The following WWOX variants were observed in gnomAD, a reference collection of about 807,000 sequenced individuals.
WWOX encodes the protein WW domain-containing oxidoreductase.
In WWOX, 69 loss-of-function variants were observed where a neutral mutation model predicts 46.2. The ratio of observed to expected loss-of-function variants is 1.49; its 90% CI spans 1.23 to 1.82. The LOEUF (loss-of-function observed/expected upper bound fraction) is 1.82, where lower values mean the gene tolerates loss of function less well. Ranked by LOEUF, WWOX falls within the 40% of genes most tolerant of loss-of-function variation. The pLI, the probability that WWOX is intolerant of heterozygous loss-of-function variation, is 0.00. For synonymous variants in WWOX, 359 were observed against 202.6 expected (o/e 1.77, Z -6.56); for missense variants, 919 against 542.6 (o/e 1.69, Z -6.89).
intron 6 of WWOX, among the ~76,000 whole-genome samples, chr16:78,402,196 G>A (rs1245000276): frequency 1.3e-5 from 2 of 152,130 alleles, no homozygotes; most frequent in Non-Finnish European, 2.9e-5. Flanking sequence ...CTACCTGTTT[G>A]CCTATTCTGG....
chr16:78,787,525 C>T (rs1489961957), intron 8 of WWOX, among the ~76,000 whole-genome samples: 2 of 152,138 alleles, frequency 1.3e-5, no homozygotes, highest in African/African-American at 4.8e-5. Context: ...GAGTGATATT[C>T]TGTTACATGG....
At chr16:78,857,516 G>A (rs139540743) in intron 8 of WWOX, among the ~76,000 whole-genome samples, 68 of 152,192 alleles carry the variant, frequency 4.5e-4, no homozygotes, top group African/African-American at 1.6e-3. Flanking sequence ...ACTTTAATGC[G>A]ATTAAGACTT....
intron 6 of WWOX, among the ~76,000 whole-genome samples, chr16:78,416,430 G>A (rs555487969): frequency 6.6e-6 from 1 of 152,286 alleles, no homozygotes; most frequent in South Asian, 2.1e-4. Context: ...TTAATTAATA[G>A]AGGTGACAAG....
intron 8 of WWOX, among the ~76,000 whole-genome samples, chr16:78,887,546 C>G (rs1051038356): frequency 1.3e-5 from 2 of 149,602 alleles, no homozygotes; most frequent in Non-Finnish European, 3.0e-5. Context: ...ACCTCAACAC[C>G]CTTCCAAAAC....
intron 8 of WWOX, among the ~76,000 whole-genome samples, chr16:78,472,809 CA>C (rs756666392): frequency 0.018 from 908 of 50,812 alleles, 2 homozygotes; most frequent in Non-Finnish European, 0.029. Flanking sequence ...AACTCCATCT[CA>C]AAAAAAAAAA....
At chr16:78,836,020 A>C (rs1180616733) in intron 8 of WWOX, among the ~76,000 whole-genome samples, 1 of 152,096 alleles carries the variant, frequency 6.6e-6, no homozygotes, top group Non-Finnish European at 1.5e-5. Flanking sequence ...ATGTATTTCA[A>C]CTCCAAAATA....
chr16:78,449,039 A>G (rs774567137), intron 8 of WWOX, among the ~76,000 whole-genome samples: 26 of 152,064 alleles, frequency 1.7e-4, no homozygotes, highest in Non-Finnish European at 5.9e-5. Flanking sequence ...GTAGAAATTC[A>G]CCTATGTCAA....
chr16:79,018,017 T>G (rs1017684602), intron 8 of WWOX, among the ~76,000 whole-genome samples: 2 of 152,240 alleles, frequency 1.3e-5, no homozygotes, highest in Non-Finnish European at 2.9e-5. Flanking sequence ...GCTAAAGATT[T>G]GGCTTGGAGT....
intron 8 of WWOX, among the ~76,000 whole-genome samples, chr16:78,583,409 C>G (rs1047016335): frequency 4.6e-5 from 7 of 152,156 alleles, no homozygotes; most frequent in African/African-American, 1.7e-4. Flanking sequence ...GATGAGATGC[C>G]ACTGTGGTAT....
chr16:78,352,499 C>A (rs1183960623), intron 5 of WWOX, among the ~76,000 whole-genome samples: 1 of 152,204 alleles, frequency 6.6e-6, no homozygotes, highest in African/African-American at 2.4e-5. Context: ...ATCTTCAAAG[C>A]CAGGGATGGC....
At chr16:78,483,896 A>C (rs192677091) in intron 8 of WWOX, among the ~76,000 whole-genome samples, 2 of 152,280 alleles carry the variant, frequency 1.3e-5, no homozygotes, top group African/African-American at 4.8e-5. Context: ...TGTGGTCAAC[A>C]GTGGGGCTTA....
At chr16:78,754,982 C>G (rs1354580839) in intron 8 of WWOX, among the ~76,000 whole-genome samples, 1 of 141,660 alleles carries the variant, frequency 7.1e-6, no homozygotes, top group Non-Finnish European at 1.5e-5. Context: ...AAAGAATACA[C>G]AGGAGTTGAA....
At chr16:78,878,217 C>G (rs2656626) in intron 8 of WWOX, among the ~76,000 whole-genome samples, 40,038 of 152,118 alleles carry the variant, frequency 0.26, 5,461 homozygotes, top group Middle Eastern at 0.41. Flanking sequence ...TCCTGAGCCA[C>G]AACTCCTTAG....
At chr16:78,901,788 G>A (rs986916365) in intron 8 of WWOX, among the ~76,000 whole-genome samples, 1 of 152,162 alleles carries the variant, frequency 6.6e-6, no homozygotes, top group African/African-American at 2.4e-5. Flanking sequence ...TGCGCCTAGC[G>A]AGGTAGTCAG....
At chr16:78,286,460 T>G (rs1053850881) in intron 5 of WWOX, among the ~76,000 whole-genome samples, 2 of 152,252 alleles carry the variant, frequency 1.3e-5, no homozygotes, top group Admixed American at 6.5e-5. Context: ...ATACTGTGAT[T>G]CAGTGAAAAC....
chr16:78,181,361 G>C (rs2035527096), intron 5 of WWOX, among the ~76,000 whole-genome samples: 1 of 152,148 alleles, frequency 6.6e-6, no homozygotes, highest in African/African-American at 2.4e-5. Context: ...AATTAGAATT[G>C]TTGAGCTATG....
At chr16:78,751,400 T>C (rs2142450574) in intron 8 of WWOX, among the ~76,000 whole-genome samples, 1 of 146,996 alleles carries the variant, frequency 6.8e-6, no homozygotes, top group South Asian at 2.1e-4. Flanking sequence ...AACATAACTG[T>C]AAGAATTTAT....
At chr16:78,122,245 A>AG (rs1320975248) in intron 4 of WWOX, among the ~76,000 whole-genome samples, 2 of 152,126 alleles carry the variant, frequency 1.3e-5, no homozygotes, top group Non-Finnish European at 2.9e-5. Flanking sequence ...CCCGAGGATA[A>AG]GGGGGGGCTA....
intron 5 of WWOX, among the ~76,000 whole-genome samples, chr16:78,252,281 CATAT>C (rs1753123607): frequency 6.6e-6 from 1 of 152,144 alleles, no homozygotes; most frequent in Non-Finnish European, 1.5e-5. Flanking sequence ...TAAAAAAAAT[CATAT>C]GTATGTATAT....
Sources: gnomAD v4.1 joint callset for allele counts (sites outside exome capture counted in the v4.1 genomes callset) on GRCh38, gnomAD v4.1.1 for gene constraint, MANE v1.5 for transcripts, NCBI Gene and HGNC (gene_info 2026-07-23, HGNC 2026-07-21) for gene names.